FREM1: variants seen among roughly 807,000 people sequenced by gnomAD.
FREM1 encodes FRAS1-related extracellular matrix protein 1.
A neutral mutation model predicts 210.1 loss-of-function variants in FREM1; 220 were observed. The ratio of observed to expected loss-of-function variants is 1.05; its 90% confidence interval spans 0.94 to 1.17. The LOEUF (loss-of-function observed/expected upper bound fraction) is 1.17, where lower values mean the gene tolerates loss of function less well. Ranked by LOEUF, FREM1 falls within the 50% of genes most tolerant of loss-of-function variation. The pLI, the probability that FREM1 is intolerant of heterozygous loss-of-function variation, is 0.00. For synonymous variants in FREM1, 1,189 were observed against 980.2 expected, an observed-to-expected ratio of 1.21 and a Z score of -3.98; for missense variants, 3,454 against 2,675.5, an observed-to-expected ratio of 1.29 and a Z score of -6.42.
At chr9:14,757,563 A>G (rs1844645752) in intron 28 of FREM1, among the ~76,000 whole-genome samples, 1 of 152,000 alleles carries the variant, frequency 6.6e-6, no homozygotes, top group South Asian at 2.1e-4. Flanking sequence ...TCAAAAAACA[A>G]AAAAAAAGTG....
In FREM1 at chr9:14,747,484, A is replaced by G. The variant is rs879144297; in HGVS notation, c.5845-56T>C. On this transcript the variant is annotated intron_variant, in intron 32 of 36. Coordinates refer to ENST00000380880, the MANE Select transcript of FREM1 (RefSeq NM_001379081.2). The stretch of plus-strand genomic sequence containing the variant: ...GGAAAAAACAAACATCAAGATAGCA[A>G]ACAAAAAAATGAGCAATTCAAAAAT... 5 of 1,537,756 alleles carry G rather than the reference A, an allele frequency of 3.3e-6. No individual in the cohort carries two copies. The South Asian group carries it at 4.9e-5, about 15-fold the overall frequency.
intron 24 of FREM1, among the ~76,000 whole-genome samples, chr9:14,781,394 T>C (rs12001339): frequency 0.031 from 4,727 of 152,272 alleles, 226 homozygotes; most frequent in African/African-American, 0.11. Context: ...TTCCTAATCT[T>C]GAGTAATTGA....
At chr9:14,797,785 T>A in intron 20 of FREM1, 143 bp from the exon 21 acceptor site, 1 of 570,676 alleles carries the variant, frequency 1.8e-6, no homozygotes, top group South Asian at 3.7e-5. Flanking sequence ...TAAACTTGTT[T>A]TATGAAGTAA....
At chr9:14,882,260 C>A (rs775910988) in intron 1 of FREM1, among the ~76,000 whole-genome samples, 1 of 152,006 alleles carries the variant, frequency 6.6e-6, no homozygotes, top group Non-Finnish European at 1.5e-5. Flanking sequence ...AGTTCATTCT[C>A]TAATTATATC....
intron 1 of FREM1, among the ~76,000 whole-genome samples, chr9:14,890,686 C>T (rs1451953933): frequency 1.3e-5 from 2 of 152,188 alleles, no homozygotes; most frequent in East Asian, 3.9e-4. Context: ...AATAAGTCTA[C>T]TTCAGAAATT....
chr9:14,867,553 G>C (rs1341600287), intron 2 of FREM1, among the ~76,000 whole-genome samples: 1 of 152,214 alleles, frequency 6.6e-6, no homozygotes, highest in Non-Finnish European at 1.5e-5. Flanking sequence ...GAATTCTGAT[G>C]TGTTTCAGAA....
intron 1 of FREM1, among the ~76,000 whole-genome samples, chr9:14,883,788 A>G (rs570263230): frequency 6.6e-6 from 1 of 152,346 alleles, no homozygotes; most frequent in South Asian, 2.1e-4. Context: ...CATAGGGCTA[A>G]GTCAGAGCCT....
chr9:14,879,249 C>A (rs1276159733), intron 1 of FREM1, among the ~76,000 whole-genome samples: 5 of 151,586 alleles, frequency 3.3e-5, no homozygotes, highest in Middle Eastern at 3.2e-3. Context: ...GAATCTGTCA[C>A]AAAAAGGCAC....
chr9:14,830,895 T>A (rs183215432), intron 10 of FREM1, among the ~76,000 whole-genome samples: 2 of 152,194 alleles, frequency 1.3e-5, no homozygotes. Flanking sequence ...TTAAAATCTG[T>A]TCTGTCATTC....
At chr9:14,823,914 A>C in intron 12 of FREM1, 111 bp downstream of exon 12, 1 of 522,146 alleles carries the variant, frequency 1.9e-6, no homozygotes, top group Admixed American at 3.5e-5. Context: ...AAAGATGTCA[A>C]GTCTTTGTGG....
At chr9:14,815,520 A>G (rs1820133968) in intron 15 of FREM1, among the ~76,000 whole-genome samples, 1 of 152,202 alleles carries the variant, frequency 6.6e-6, no homozygotes, top group Admixed American at 6.5e-5. Context: ...GGAACATGGT[A>G]TATTTTTCTT....
chr9:14,828,256 T>G (rs1392420056), intron 10 of FREM1, among the ~76,000 whole-genome samples: 1 of 152,196 alleles, frequency 6.6e-6, no homozygotes, highest in Non-Finnish European at 1.5e-5. Context: ...CCTCAGCATG[T>G]CCAGAAGGCA....
chr9:14,792,064 T>C (rs554048433), intron 22 of FREM1, among the ~76,000 whole-genome samples: 14 of 152,212 alleles, frequency 9.2e-5, no homozygotes, highest in African/African-American at 1.4e-4. Context: ...AGGATGGTCT[T>C]GATCTCCTGA....
At chr9:14,831,916 G>A (rs991665597) in intron 10 of FREM1, among the ~76,000 whole-genome samples, 1 of 152,160 alleles carries the variant, frequency 6.6e-6, no homozygotes. Context: ...ATCCAAGAGC[G>A]ACGGACAGAG....
rs765045292 is a variant in FREM1, at chr9:14,784,418, ACTGT to A, written c.4390_4393del (p.Thr1464PhefsTer9). ...CACCTTGCTCTTGTGTACATAGCAA[ACTGT>A]CTGCCCCACTACATCCATTTGGCTG... On this transcript the variant is annotated frameshift_variant, in exon 24 of 37. Coordinates refer to ENST00000380880, the MANE Select transcript of FREM1 (RefSeq NM_001379081.2). LOFTEE classifies it high-confidence loss of function. The A allele has an allele frequency of 4.3e-6, 7 of 1,613,874 alleles. No homozygotes were observed. In the South Asian group the frequency reaches 7.7e-5, roughly 18 times the overall value.
At chr9:14,900,651 A>G (rs1838624117) in intron 1 of FREM1, among the ~76,000 whole-genome samples, 1 of 152,178 alleles carries the variant, frequency 6.6e-6, no homozygotes, top group African/African-American at 2.4e-5. Flanking sequence ...AGGTAAAGAA[A>G]GACAGGACGC....
chr9:14,747,150 G>T (rs1407956692), intron 33 of FREM1, 99 bp from the exon 34 acceptor site: 9 of 1,584,840 alleles, frequency 5.7e-6, no homozygotes, highest in Non-Finnish European at 7.8e-6. Flanking sequence ...GGAAGCATTT[G>T]TGTTGGGTAA....
chr9:14,863,985 GAGA>G, intron 2 of FREM1, 82 bp from the exon 3 acceptor site: 1 of 810,538 alleles, frequency 1.2e-6, no homozygotes, highest in Non-Finnish European at 2.1e-6. Flanking sequence ...GCACTGCCTG[GAGA>G]AAATATGCTC....
chr9:14,907,011 A>G (rs1215171789), intron 1 of FREM1, among the ~76,000 whole-genome samples: 4 of 152,140 alleles, frequency 2.6e-5, no homozygotes, highest in African/African-American at 9.7e-5. Flanking sequence ...TTTAATACAC[A>G]TTTTCCCCAA....
Sources: gnomAD v4.1 joint callset for allele counts (sites outside exome capture counted in the v4.1 genomes callset) on GRCh38, gnomAD v4.1.1 for gene constraint, MANE v1.5 for transcripts, NCBI Gene and HGNC (gene_info 2026-07-23, HGNC 2026-07-21) for gene names.